TM9SF2: variants seen among roughly 807,000 people sequenced by gnomAD.
TM9SF2 encodes 76 kDa membrane protein.
In TM9SF2, 13 loss-of-function variants were observed where a neutral mutation model predicts 84.9. That is an observed-to-expected ratio of 0.15 (90% CI 0.10 to 0.24). The LOEUF is 0.24. Among genes scored for constraint, TM9SF2 ranks in the 10% least tolerant of loss-of-function variants. TM9SF2 has a pLI of 1.00. For missense variants in TM9SF2, 562 were observed against 818.5 expected, an observed-to-expected ratio of 0.69 and a Z score of 3.82; for synonymous variants, 273 against 285.8, an observed-to-expected ratio of 0.96 and a Z score of 0.45.
At chr13:99,534,310 G>A (rs115448071) in intron 4 of TM9SF2, among the ~76,000 whole-genome samples, 3 of 152,166 alleles carry the variant, frequency 2.0e-5, no homozygotes, top group African/African-American at 4.8e-5. Flanking sequence ...ATCCCACCAA[G>A]TTAGCAAAGG....
At position 99,563,519 on chromosome 13, in the gene TM9SF2, C is replaced by G. The variant is rs1472605266; in HGVS notation, c.*761C>G. On this transcript the variant is annotated 3_prime_UTR_variant, in exon 17 of 17. Coordinates refer to ENST00000376387, the MANE Select transcript of TM9SF2 (RefSeq NM_004800.3). ...CTGGATTTTGTTAATGTAACACTTTCTGAGTTTTGATCTGAATGGAATTTC... is the reference window on the plus strand; with the variant it reads ...CTGGATTTTGTTAATGTAACACTTTGTGAGTTTTGATCTGAATGGAATTTC... 6.6e-6 allele frequency: 1 copy of G among 152,120 alleles called. No individual in the cohort carries two copies. Among genetic ancestry groups the G allele is most frequent in the Non-Finnish European group, 1.5e-5 (1 of 68,028 alleles). The allele number at this position is 152,120 out of a possible 1,614,324, so 9.4% of individuals were successfully genotyped here.
chr13:99,526,373 A>C (rs9557251), intron 3 of TM9SF2, among the ~76,000 whole-genome samples: 1 of 152,064 alleles, frequency 6.6e-6, no homozygotes, highest in East Asian at 1.9e-4. Context: ...AGAAGAACAC[A>C]GGATGTGAGG....
rs1161776586 is a variant in TM9SF2 at position 99,532,047 on chromosome 13, AT to A, written c.461+2465del. Among the ~76,000 whole-genome samples the A allele has an allele frequency of 7.6e-3, 1,088 of 144,012 alleles. 10 individuals are homozygous for A. The highest frequency in any genetic ancestry group is 0.022 in the African/African-American group (867 of 39,406). 94.5% of individuals were successfully genotyped at this position (144,012 alleles called of 152,430 possible). A position where few individuals can be genotyped will look rare whatever the true frequency, so the allele number is the denominator to read the frequency against. On this transcript the variant is annotated intron_variant, in intron 4 of 16. Coordinates refer to ENST00000376387, the MANE Select transcript of TM9SF2 (RefSeq NM_004800.3). Reference sequence around the variant, plus strand: ...GAATGACTGTTAAGGTCTGTGGATGATTTTTTTTTTTTCTTTTTTTTTGAGA... The same window carrying A: ...GAATGACTGTTAAGGTCTGTGGATGATTTTTTTTTTTCTTTTTTTTTGAGA...
In TM9SF2 at chr13:99,557,581, G is replaced by C. The variant is rs777201141; in HGVS notation, c.1753-1782G>C. Among the ~76,000 whole-genome samples the C allele has an allele frequency of 7.2e-4, 109 of 152,072 alleles. 3 individuals carry two copies. The highest frequency in any genetic ancestry group is 6.8e-3 in the Middle Eastern group (2 of 294). The stretch of plus-strand genomic sequence containing the variant: ...CTTATGCTTTTGGTGTCATATCTAA[G>C]AATTATTATCAAATTAGGGCTGAGT... On this transcript the variant is annotated intron_variant, in intron 15 of 16. Transcript: ENST00000376387.
intron 7 of TM9SF2, among the ~76,000 whole-genome samples, chr13:99,539,949 A>C (rs1371334442): frequency 1.3e-5 from 2 of 152,230 alleles, no homozygotes; most frequent in African/African-American, 4.8e-5. Context: ...ATTGTCTTAG[A>C]AAATTGAAGG....
intron 1 of TM9SF2, among the ~76,000 whole-genome samples, chr13:99,510,606 C>A (rs2046109636): frequency 6.6e-6 from 1 of 152,074 alleles, no homozygotes; most frequent in African/African-American, 2.4e-5. Flanking sequence ...GGGCAGGTGC[C>A]ACACTTTACA....
chr13:99,529,650 TTG>T (rs1157672095), intron 4 of TM9SF2, 56 bp downstream of exon 4: 245 of 1,427,930 alleles, frequency 1.7e-4, no homozygotes, highest in Non-Finnish European at 2.1e-4. Context: ...GAAATCTTTG[TTG>T]CTTTGACTAT....
intron 1 of TM9SF2, among the ~76,000 whole-genome samples, chr13:99,515,213 G>A (rs2139074997): frequency 6.6e-6 from 1 of 152,314 alleles, no homozygotes; most frequent in South Asian, 2.1e-4. Flanking sequence ...GAAGGAAATC[G>A]AGAGATAGGA....
chr13:99,540,846 C>A, intron 8 of TM9SF2, 53 bp downstream of exon 8: 1 of 1,438,692 alleles, frequency 7.0e-7, no homozygotes, highest in Non-Finnish European at 9.7e-7. Flanking sequence ...ACCCTCTGTC[C>A]CTTTGAACAT....
chr13:99,521,751 G>T (rs888079057), intron 3 of TM9SF2, among the ~76,000 whole-genome samples: 1 of 151,898 alleles, frequency 6.6e-6, no homozygotes, highest in Non-Finnish European at 1.5e-5. Flanking sequence ...CTGTCACCCA[G>T]GCTGGAGTGA....
At chr13:99,510,012 T>C (rs926958782) in intron 1 of TM9SF2, among the ~76,000 whole-genome samples, 2 of 152,246 alleles carry the variant, frequency 1.3e-5, no homozygotes, top group African/African-American at 4.8e-5. Context: ...AATACTTTGC[T>C]GCTTAAAAAT....
At position 99,540,967 on chromosome 13, in the gene TM9SF2, G is replaced by A. The variant is rs541141199; in HGVS notation, c.908+174G>A. Reference sequence around the variant, plus strand: ...ACAGCAGGTCCCTTAATTTCTCAGCGTCTGTTTCTTTATCTAGAAATACCC... The same window carrying A: ...ACAGCAGGTCCCTTAATTTCTCAGCATCTGTTTCTTTATCTAGAAATACCC... On this transcript the variant is annotated intron_variant, in intron 8 of 16. Transcript: ENST00000376387. Among the ~76,000 whole-genome samples the A allele has an allele frequency of 5.9e-5, 9 of 152,338 alleles. No individual in the cohort carries two copies. In the South Asian group the frequency reaches 6.2e-4, roughly 11 times the overall value.
chr13:99,502,666 A>G (rs756055677), intron 1 of TM9SF2, among the ~76,000 whole-genome samples: 2 of 152,240 alleles, frequency 1.3e-5, no homozygotes, highest in Non-Finnish European at 2.9e-5. Flanking sequence ...GTAGGGCTTT[A>G]CAGTATACAT....
rs1425842851 is a variant in TM9SF2 at position 99,563,790 on chromosome 13, CACAA to C, written c.*1036_*1039del. 6.6e-6 allele frequency: 1 copy of C among 152,182 alleles called. No individual in the cohort carries two copies. The highest frequency in any genetic ancestry group is 1.5e-5 in the Non-Finnish European group (1 of 68,034). 9.4% of individuals were successfully genotyped at this position (152,182 alleles called of 1,614,324 possible). Reference sequence around the variant, plus strand: ...GATTTCATTGTTTTAATTTAGATTTCACAAACAGTTTTACTTCTAAGAGTTAAGA... The same window carrying C: ...GATTTCATTGTTTTAATTTAGATTTCACAGTTTTACTTCTAAGAGTTAAGA... On this transcript the variant is annotated 3_prime_UTR_variant, in exon 17 of 17. Coordinates refer to ENST00000376387, the MANE Select transcript of TM9SF2 (RefSeq NM_004800.3).
At chr13:99,511,786 G>T (rs2139072462) in intron 1 of TM9SF2, among the ~76,000 whole-genome samples, 1 of 152,340 alleles carries the variant, frequency 6.6e-6, no homozygotes, top group African/African-American at 2.4e-5. Flanking sequence ...CAAAAGTAGT[G>T]TGGAAAGGTG....
chr13:99,530,240 C>A (rs1001434718), intron 4 of TM9SF2, among the ~76,000 whole-genome samples: 1 of 151,998 alleles, frequency 6.6e-6, no homozygotes, highest in African/African-American at 2.4e-5. Flanking sequence ...CTGGCTAACA[C>A]GATGAAACCC....
chr13:99,525,546 A>T (rs992393609), intron 3 of TM9SF2, among the ~76,000 whole-genome samples: 7 of 145,154 alleles, frequency 4.8e-5, no homozygotes, highest in Non-Finnish European at 1.0e-4. Flanking sequence ...AAGAGGACTT[A>T]TGATAGATTT....
intron 1 of TM9SF2, among the ~76,000 whole-genome samples, chr13:99,508,737 C>T (rs773543000): frequency 1.8e-4 from 27 of 152,084 alleles, no homozygotes; most frequent in South Asian, 1.5e-3. Context: ...TTCTGTTGAG[C>T]GAGATGCCAC....
intron 3 of TM9SF2, among the ~76,000 whole-genome samples, chr13:99,527,793 C>G (rs763647437): frequency 1.3e-5 from 2 of 152,184 alleles, no homozygotes; most frequent in African/African-American, 4.8e-5. Context: ...TTTCATCAGT[C>G]AGCATGCTAG....
Sources: gnomAD v4.1 joint callset for allele counts (sites outside exome capture counted in the v4.1 genomes callset) on GRCh38, gnomAD v4.1.1 for gene constraint, MANE v1.5 for transcripts, NCBI Gene and HGNC (gene_info 2026-07-23, HGNC 2026-07-21) for gene names.